The following ANK3 variants were observed in gnomAD, a reference collection of about 807,000 sequenced individuals.
ANK3 encodes the protein ankyrin-3.
In ANK3, 57 loss-of-function variants were observed where a neutral mutation model predicts 370.9. That is an observed-to-expected ratio of 0.15 (90% CI 0.12 to 0.19). ANK3 has a LOEUF of 0.19. ANK3 is among the 10% of genes least tolerant of loss of function. The pLI, the probability that ANK3 is intolerant of heterozygous loss-of-function variation, is 1.00. For missense variants in ANK3, 4,439 were observed against 5,302.1 expected (o/e 0.84, Z 5.06); for synonymous variants, 1,929 against 1,946.3 (o/e 0.99, Z 0.23).
At chr10:60,077,920 G>C (rs1399305080) in intron 36 of ANK3, among the ~76,000 whole-genome samples, 1 of 152,164 alleles carries the variant, frequency 6.6e-6, no homozygotes, top group Non-Finnish European at 1.5e-5. Flanking sequence ...ATTTCTTCTG[G>C]CAATGGAGCA....
At chr10:60,430,133 A>G (rs936043223) in intron 2 of ANK3, among the ~76,000 whole-genome samples, 1 of 152,198 alleles carries the variant, frequency 6.6e-6, no homozygotes, top group Non-Finnish European at 1.5e-5. Flanking sequence ...CATTATTTAA[A>G]GTTTTTCTGA....
chr10:60,353,799 C>T (rs2057314046), intron 1 of ANK3, among the ~76,000 whole-genome samples: 1 of 152,190 alleles, frequency 6.6e-6, no homozygotes, highest in South Asian at 2.1e-4. Context: ...CCTCAGAAAC[C>T]TACTGTTTCA....
intron 25 of ANK3, among the ~76,000 whole-genome samples, chr10:60,130,716 C>G (rs2094014947): frequency 1.3e-5 from 2 of 152,344 alleles, no homozygotes; most frequent in South Asian, 4.1e-4. Flanking sequence ...CACAGTGTAT[C>G]TAGACACTTC....
chr10:60,604,158 C>T (rs1284568409), intron 2 of ANK3, among the ~76,000 whole-genome samples: 3 of 152,058 alleles, frequency 2.0e-5, no homozygotes, highest in Non-Finnish European at 4.4e-5. Context: ...GGTTCCGAGT[C>T]ACTGATTTAT....
chr10:60,599,091 G>T (rs947972167), intron 2 of ANK3, among the ~76,000 whole-genome samples: 1 of 152,150 alleles, frequency 6.6e-6, no homozygotes, highest in African/African-American at 2.4e-5. Flanking sequence ...ACTGTGACTG[G>T]CTAATTTTTT....
chr10:60,588,366 G>C (rs1166226108), intron 2 of ANK3, among the ~76,000 whole-genome samples: 2 of 151,630 alleles, frequency 1.3e-5, no homozygotes, highest in Non-Finnish European at 2.9e-5. Flanking sequence ...TGTATTTTTA[G>C]TAGAGACAGG....
At chr10:60,140,605 T>C in intron 23 of ANK3, 1 of 1,400,768 alleles carries the variant, frequency 7.1e-7, no homozygotes, top group African/African-American at 1.5e-5. Flanking sequence ...CCCAAAAAAA[T>C]CTTTTTAAAA....
chr10:60,384,824 G>A (rs1179265585), intron 1 of ANK3, among the ~76,000 whole-genome samples: 1 of 152,138 alleles, frequency 6.6e-6, no homozygotes, highest in African/African-American at 2.4e-5. Context: ...CAGGAACTTG[G>A]CAGTTATCCT....
chr10:60,646,025 G>A (rs1439850041), intron 1 of ANK3, among the ~76,000 whole-genome samples: 1 of 151,636 alleles, frequency 6.6e-6, no homozygotes, highest in South Asian at 2.1e-4. Flanking sequence ...TCAACTATGG[G>A]GAAGAGAAGG....
intron 2 of ANK3, among the ~76,000 whole-genome samples, chr10:60,581,335 T>C (rs1392083076): frequency 1.3e-5 from 2 of 152,130 alleles, no homozygotes; most frequent in South Asian, 2.1e-4. Context: ...TATCTGATGA[T>C]TAGGGGTACC....
chr10:60,134,797 T>A (rs1427477742), intron 24 of ANK3, among the ~76,000 whole-genome samples: 1 of 152,226 alleles, frequency 6.6e-6, no homozygotes, highest in East Asian at 1.9e-4. Flanking sequence ...ATGGGTCTGT[T>A]TATAAGTCTT....
At position 60,068,939 on chromosome 10, in the gene ANK3, GTGCAGC is replaced by G; in HGVS notation, c.11936_11941del (p.Ser3979_Cys3980del). On this transcript the variant is annotated inframe_deletion, in exon 37 of 44. Transcript: ENST00000280772. ...GAGCTGACTTTTCCTAACTTTAACT[GTGCAGC>G]TGGTGGTGGTGGTAGTGGTGGTAGT... 1 of 1,613,998 alleles carries G rather than the reference GTGCAGC, an allele frequency of 6.2e-7. No individual in the cohort carries two copies. The highest frequency in any genetic ancestry group is 8.5e-7 in the Non-Finnish European group (1 of 1,179,998).
chr10:60,452,278 C>T (rs2064626960), intron 2 of ANK3, among the ~76,000 whole-genome samples: 1 of 152,172 alleles, frequency 6.6e-6, no homozygotes, highest in African/African-American at 2.4e-5. Context: ...AGGGCTGTGC[C>T]CTTATTGATT....
chr10:60,329,432 A>C (rs2050680463), intron 1 of ANK3, among the ~76,000 whole-genome samples: 1 of 152,188 alleles, frequency 6.6e-6, no homozygotes, highest in Admixed American at 6.5e-5. Flanking sequence ...AACTTTAGCA[A>C]AGTCCCAGGA....
intron 1 of ANK3, among the ~76,000 whole-genome samples, chr10:60,695,473 T>A (rs976148779): frequency 6.6e-6 from 1 of 152,126 alleles, no homozygotes; most frequent in Non-Finnish European, 1.5e-5. Flanking sequence ...ACACCACACC[T>A]ATTCCAAAAT....
intron 2 of ANK3, among the ~76,000 whole-genome samples, chr10:60,571,315 G>T (rs1307376477): frequency 6.6e-6 from 1 of 152,198 alleles, no homozygotes; most frequent in Non-Finnish European, 1.5e-5. Context: ...TCTGCTGGTA[G>T]TAGGTCCCTT....
chr10:60,029,875 C>CTTTTTCT (rs2072915122), intron 43 of ANK3, 49 bp from the exon 44 acceptor site: 3 of 68,606 alleles, frequency 4.4e-5, no homozygotes, highest in African/African-American at 2.0e-4. Context: ...TTTTCTTTTT[C>CTTTTTCT]TTTTTTTTTT....
At chr10:60,204,126 A>C (rs2096725616) in intron 11 of ANK3, among the ~76,000 whole-genome samples, 2 of 152,252 alleles carry the variant, frequency 1.3e-5, no homozygotes, top group African/African-American at 4.8e-5. Context: ...TAAAAGACAG[A>C]AAAGGAATAA....
At chr10:60,484,174 A>G (rs2075292686) in intron 2 of ANK3, among the ~76,000 whole-genome samples, 1 of 152,216 alleles carries the variant, frequency 6.6e-6, no homozygotes, top group African/African-American at 2.4e-5. Context: ...CTAAGATGGA[A>G]AAACCTGGAA....
Sources: allele counts gnomAD v4.1 joint callset (sites outside exome capture counted in the v4.1 genomes callset), GRCh38; gene constraint gnomAD v4.1.1; transcripts MANE v1.5; gene names NCBI Gene and HGNC (gene_info 2026-07-23, HGNC 2026-07-21).